Variants in GEMIN6 observed in about 807,000 individuals in gnomAD.
The protein encoded by GEMIN6 is gem-associated protein 6.
In GEMIN6, 13 loss-of-function variants were observed where a neutral mutation model predicts 14.1. The observed-to-expected ratio is 0.92, with a 90% CI of 0.60 to 1.46. GEMIN6 has a LOEUF of 1.46. GEMIN6 is among the 40% of genes most tolerant of loss of function. The probability of loss-of-function intolerance (pLI) is 0.00; values close to 1 mark genes in which losing one functional copy is unlikely to be tolerated. For missense variants in GEMIN6, 271 were observed against 202.4 expected (o/e 1.34, Z -2.06); for synonymous variants, 87 against 70.0 (o/e 1.24, Z -1.21).
chr2:38,780,785 C>T (rs1230661274), intron 2 of GEMIN6, among the ~76,000 whole-genome samples: 1 of 151,872 alleles, frequency 6.6e-6, no homozygotes, highest in Non-Finnish European at 1.5e-5. Flanking sequence ...TGTGCTACCA[C>T]ACCCGGCTAA....
At chr2:38,780,162 CA>C (rs1027584369) in intron 2 of GEMIN6, among the ~76,000 whole-genome samples, 1 of 150,052 alleles carries the variant, frequency 6.7e-6, no homozygotes, top group East Asian at 2.1e-4. Flanking sequence ...ACTGAAAATA[CA>C]AAAAAAATTA....
In GEMIN6 at chr2:38,781,508, C is replaced by T. The variant is rs747413504; in HGVS notation, c.129-9C>T. 1 of 1,594,374 alleles carries T rather than the reference C, an allele frequency of 6.3e-7. No individual in the cohort carries two copies. Among genetic ancestry groups the T allele is most frequent in the Non-Finnish European group, 8.5e-7 (1 of 1,169,744 alleles). The stretch of plus-strand genomic sequence containing the variant: ...TGATGATGCCTCTAAACTTACTTTT[C>T]CTCCAAAGTATTGTCCTTGTGAACT... On this transcript the variant is annotated splice_polypyrimidine_tract_variant and intron_variant, in intron 2 of 2. Transcript: ENST00000281950.
chr2:38,780,319 C>CAA (rs1247327380), intron 2 of GEMIN6, among the ~76,000 whole-genome samples: 20 of 115,238 alleles, frequency 1.7e-4, no homozygotes, highest in Admixed American at 7.1e-4. Context: ...GACTCCGTCT[C>CAA]AAAAAAAAAA....
At chr2:38,778,883 G>A (rs1197017688) in intron 1 of GEMIN6, 89 bp from the exon 2 acceptor site, 17 of 1,137,520 alleles carry the variant, frequency 1.5e-5, no homozygotes, top group South Asian at 1.2e-4. Context: ...AATCACAGAT[G>A]TTCTCTGTCT....
At position 38,784,369 on chromosome 2, in the gene GEMIN6, GTC is replaced by G. The variant is rs1341542352; in HGVS notation, c.*2481_*2482del. ...AACCTGGGCAACATGGTGAAACCCTGTCTCTACTAAAAAAAAAAAAAATAGCT... is the reference window on the plus strand; with the variant it reads ...AACCTGGGCAACATGGTGAAACCCTGTCTACTAAAAAAAAAAAAAATAGCT... On this transcript the variant is annotated 3_prime_UTR_variant, in exon 3 of 3. Transcript: ENST00000281950. 6 of 151,418 alleles carry G rather than the reference GTC, an allele frequency of 4.0e-5. No individual in the cohort carries two copies. Among genetic ancestry groups the G allele is most frequent in the Non-Finnish European group, 5.9e-5 (4 of 67,942 alleles). The allele number at this position is 151,418 out of a possible 1,614,324, so 9.4% of individuals were successfully genotyped here.
chr2:38,778,844 A>T (rs1033648730), intron 1 of GEMIN6, 128 bp from the exon 2 acceptor site: 5 of 700,508 alleles, frequency 7.1e-6, no homozygotes, highest in Non-Finnish European at 1.2e-5. Context: ...ACTTAATTGT[A>T]TTAAGTTACT....
rs202074060 is a variant in GEMIN6, at chr2:38,781,895, G to T, written c.*3G>T. On this transcript the variant is annotated 3_prime_UTR_variant, in exon 3 of 3. Transcript: ENST00000281950. Reference sequence around the variant, plus strand: ...GACATCTTACAGCTTCCCAATGAGAGGCCAGGAAGTGTGAACATACTGATA... The same window carrying T: ...GACATCTTACAGCTTCCCAATGAGATGCCAGGAAGTGTGAACATACTGATA... The T allele has an allele frequency of 1.4e-5, 22 of 1,596,632 alleles. No homozygotes were observed. Among genetic ancestry groups the T allele is most frequent in the African/African-American group, 4.0e-5 (3 of 74,080 alleles).
chr2:38,780,056 C>T (rs1412105317), intron 2 of GEMIN6, among the ~76,000 whole-genome samples: 2 of 151,494 alleles, frequency 1.3e-5, no homozygotes, highest in African/African-American at 2.4e-5. Context: ...TGGTGGCTCA[C>T]GCCTGTAATC....
Position 38,781,801 on chromosome 2 carries a change from C to A in GEMIN6, c.413C>A (p.Pro138Gln). Residue 138 changes from proline to glutamine, a missense_variant, in exon 3 of 3, where the codon CCA becomes CAA. Physicochemically the swap from Pro to Gln is moderately conservative, Grantham distance 76. Coordinates refer to ENST00000281950, the MANE Select transcript of GEMIN6 (RefSeq NM_024775.10). ...CVAGVLTIDP[P>Q]YGPENCSSSN... ...GCTGGGGTCCTGACTATAGACCCAC[C>A]ATATGGTCCAGAAAATTGCAGCAGC... The A allele has an allele frequency of 6.2e-7, 1 of 1,614,120 alleles. No individual in the cohort carries two copies. The highest frequency in any genetic ancestry group is 1.3e-5 in the African/African-American group (1 of 75,046).
chr2:38,779,669 T>TTA, intron 2 of GEMIN6, among the ~76,000 whole-genome samples: 1 of 82,182 alleles, frequency 1.2e-5, no homozygotes, highest in Non-Finnish European at 2.5e-5. Context: ...TATATATTTT[T>TTA]TTTTTTTTTT....
rs1046035069 is a variant in GEMIN6, at chr2:38,782,351, GTCTTT to G, written c.*464_*468del. 6.5e-6 allele frequency: 1 copy of G among 153,462 alleles called. No homozygotes were observed. Among genetic ancestry groups the G allele is most frequent in the African/African-American group, 2.4e-5 (1 of 41,410 alleles). The allele number at this position is 153,462 out of a possible 1,614,324, so 9.5% of individuals were successfully genotyped here. A position where few individuals can be genotyped will look rare whatever the true frequency, so the allele number is the denominator to read the frequency against. On this transcript the variant is annotated 3_prime_UTR_variant, in exon 3 of 3. Transcript: ENST00000281950. ...TAGAGATGGGGTTTCACCTGTATGGGTCTTTTCTTGTGATGGGGTTACACCCCCAT... is the reference window on the plus strand; with the variant it reads ...TAGAGATGGGGTTTCACCTGTATGGGTCTTGTGATGGGGTTACACCCCCAT...
intron 2 of GEMIN6, among the ~76,000 whole-genome samples, chr2:38,780,143 C>G (rs1457769821): frequency 6.6e-6 from 1 of 150,958 alleles, no homozygotes; most frequent in East Asian, 2.1e-4. Flanking sequence ...ATGGTGAAAC[C>G]CCGTCTCTAC....
chr2:38,779,129 A>G lies in GEMIN6; in HGVS notation c.128+11A>G, dbSNP rs1473128012. 1.2e-6 allele frequency: 2 copies of G among 1,607,022 alleles called. No homozygotes were observed. Among genetic ancestry groups the G allele is most frequent in the Non-Finnish European group, 1.7e-6 (2 of 1,176,752 alleles). On this transcript the variant is annotated intron_variant, in intron 2 of 2. Coordinates refer to ENST00000281950, the MANE Select transcript of GEMIN6 (RefSeq NM_024775.10). ...CCCAGTCTCTGCCAAGTGAGTATGCATCCTACTTGCCTGAAATCTTGACAC... is the reference window on the plus strand; with the variant it reads ...CCCAGTCTCTGCCAAGTGAGTATGCGTCCTACTTGCCTGAAATCTTGACAC...
At chr2:38,778,947 T>C (rs373228867) in intron 1 of GEMIN6, 25 bp from the exon 2 acceptor site, 3 of 1,581,326 alleles carry the variant, frequency 1.9e-6, no homozygotes, top group African/African-American at 2.7e-5. Context: ...GAACATATAT[T>C]AACCAGCACT....
At chr2:38,778,669 T>A (rs1204541401) in intron 1 of GEMIN6, among the ~76,000 whole-genome samples, 1 of 152,152 alleles carries the variant, frequency 6.6e-6, no homozygotes, top group East Asian at 1.9e-4. Flanking sequence ...CTGTGCCAGA[T>A]GAATTTCCTC....
At chr2:38,778,871 C>T (rs1013644762) in intron 1 of GEMIN6, 101 bp from the exon 2 acceptor site, 28 of 1,004,014 alleles carry the variant, frequency 2.8e-5, no homozygotes, top group Non-Finnish European at 3.6e-5. Context: ...GAACTTGAGG[C>T]AAATCACAGA....
At position 38,784,198 on chromosome 2, in the gene GEMIN6, G is replaced by A. The variant is rs1430182140; in HGVS notation, c.*2306G>A. 1 of 152,240 alleles carries A rather than the reference G, an allele frequency of 6.6e-6. No individual in the cohort carries two copies. The highest frequency in any genetic ancestry group is 1.5e-5 in the Non-Finnish European group (1 of 68,098). The allele number at this position is 152,240 out of a possible 1,614,324, so 9.4% of individuals were successfully genotyped here. Reference sequence around the variant, plus strand: ...AGCAAATAGAAGGGGAATATGAACAGACTGAAGTCAGCAAGGAAATGACTG... The same window carrying A: ...AGCAAATAGAAGGGGAATATGAACAAACTGAAGTCAGCAAGGAAATGACTG... On this transcript the variant is annotated 3_prime_UTR_variant, in exon 3 of 3. Coordinates refer to ENST00000281950, the MANE Select transcript of GEMIN6 (RefSeq NM_024775.10).
chr2:38,780,413 G>A (rs1211243205), intron 2 of GEMIN6, among the ~76,000 whole-genome samples: 1 of 151,824 alleles, frequency 6.6e-6, no homozygotes, highest in African/African-American at 2.4e-5. Flanking sequence ...TGCCCAGGCT[G>A]GAGTGCAGTG....
chr2:38,778,447 C>A (rs529572558), intron 1 of GEMIN6, among the ~76,000 whole-genome samples, 166 bp downstream of exon 1: 1 of 152,192 alleles, frequency 6.6e-6, no homozygotes, highest in East Asian at 1.9e-4. Flanking sequence ...GGGCAGTTGT[C>A]ATAAATCGGG....
Sources: gnomAD v4.1 joint callset for allele counts (sites outside exome capture counted in the v4.1 genomes callset) on GRCh38, gnomAD v4.1.1 for gene constraint, MANE v1.5 for transcripts, NCBI Gene and HGNC (gene_info 2026-07-23, HGNC 2026-07-21) for gene names.